CTNNBIP1: variants seen among roughly 807,000 people sequenced by gnomAD.
CTNNBIP1 encodes beta-catenin-interacting protein 1.
Under a neutral mutation model 11.8 loss-of-function variants are expected in CTNNBIP1, and 7 were observed. The observed-to-expected ratio is 0.60, with a 90% confidence interval of 0.34 to 1.12. The LOEUF (loss-of-function observed/expected upper bound fraction) is 1.12, where lower values mean the gene tolerates loss of function less well. Ranked by LOEUF, CTNNBIP1 falls within the 50% of genes most tolerant of loss-of-function variation. CTNNBIP1 has a pLI of 0.03. For missense variants in CTNNBIP1, 101 were observed against 113.4 expected (o/e 0.89, Z 0.50); for synonymous variants, 58 against 43.9 (o/e 1.32, Z -1.26).
chr1:9,856,599 C>T (rs1638507737), intron 5 of CTNNBIP1, among the ~76,000 whole-genome samples: 1 of 151,142 alleles, frequency 6.6e-6, no homozygotes, highest in African/African-American at 2.4e-5. Flanking sequence ...CCACAATCTC[C>T]GCCTCCCGCA....
chr1:9,884,715 C>T (rs544951165), intron 1 of CTNNBIP1, among the ~76,000 whole-genome samples: 5 of 152,298 alleles, frequency 3.3e-5, no homozygotes, highest in South Asian at 2.1e-4. Context: ...CAATAAAACA[C>T]GAGTGATGGG....
chr1:9,854,077 TA>T (rs1442790625), intron 5 of CTNNBIP1, among the ~76,000 whole-genome samples: 1 of 152,074 alleles, frequency 6.6e-6, no homozygotes, highest in Non-Finnish European at 1.5e-5. Context: ...TCCAACATAA[TA>T]AAACCACTCA....
intron 5 of CTNNBIP1, among the ~76,000 whole-genome samples, chr1:9,864,553 C>T (rs1490920656): frequency 1.3e-5 from 2 of 152,162 alleles, no homozygotes; most frequent in Non-Finnish European, 2.9e-5. Context: ...TGGTCTCAAT[C>T]TCCTGACCTC....
At chr1:9,868,201 C>G (rs1638787631) in intron 5 of CTNNBIP1, among the ~76,000 whole-genome samples, 1 of 152,212 alleles carries the variant, frequency 6.6e-6, no homozygotes, top group African/African-American at 2.4e-5. Context: ...GGCGCCCCAG[C>G]AGCAGGGAGT....
chr1:9,894,522 CT>C (rs913507081), intron 1 of CTNNBIP1, among the ~76,000 whole-genome samples: 104 of 145,564 alleles, frequency 7.1e-4, no homozygotes, highest in Non-Finnish European at 1.0e-3. Flanking sequence ...CACTCGACTG[CT>C]TTTTTTTTTT....
chr1:9,866,556 T>C (rs1463543244), intron 5 of CTNNBIP1, among the ~76,000 whole-genome samples: 1 of 151,858 alleles, frequency 6.6e-6, no homozygotes, highest in Non-Finnish European at 1.5e-5. Flanking sequence ...GGCGGGAGCC[T>C]GTAACCCCAG....
chr1:9,895,064 T>G (rs1339079240), intron 1 of CTNNBIP1, among the ~76,000 whole-genome samples: 1 of 152,004 alleles, frequency 6.6e-6, no homozygotes, highest in Non-Finnish European at 1.5e-5. Flanking sequence ...CCCACCACCA[T>G]GCCCTGCTAA....
At chr1:9,881,387 T>C (rs1351136654) in intron 2 of CTNNBIP1, among the ~76,000 whole-genome samples, 2 of 136,248 alleles carry the variant, frequency 1.5e-5, no homozygotes, top group South Asian at 4.8e-4. Context: ...TTGCCCAGGC[T>C]GGAGTGTAAT....
At chr1:9,906,309 A>G (rs56315207) in intron 1 of CTNNBIP1, among the ~76,000 whole-genome samples, 24,463 of 152,046 alleles carry the variant, frequency 0.16, 5,531 homozygotes, top group African/African-American at 0.5. Context: ...TGTAATCCCA[A>G]CACTTTAGGA....
At chr1:9,855,238 G>C (rs1447973012) in intron 5 of CTNNBIP1, among the ~76,000 whole-genome samples, 2 of 149,404 alleles carry the variant, frequency 1.3e-5, no homozygotes, top group African/African-American at 5.0e-5. Context: ...CTTTCTTGGG[G>C]AGTTTGTAAA....
rs186368567 is a variant in CTNNBIP1, at chr1:9,883,392, T to C, written c.-110+313A>G. Among the ~76,000 whole-genome samples, 199 of 151,736 alleles carry C rather than the reference T, an allele frequency of 1.3e-3. 1 individual carries two copies. The highest frequency in any genetic ancestry group is 4.5e-3 in the African/African-American group (188 of 41,334). ...TCCCGAGAGGCAGGAACCAGTGGGT[T>C]TTCTATGAAGGAGGCAGAGCAGGGC... On this transcript the variant is annotated intron_variant, in intron 2 of 5. Coordinates refer to ENST00000377263, the MANE Select transcript of CTNNBIP1 (RefSeq NM_020248.3). The surrounding 1 kb of genome is among the most constrained non-coding windows in gnomAD (Gnocchi z 5.6).
chr1:9,876,845 T>TACATACACACACACAC (rs1363392881), intron 3 of CTNNBIP1, among the ~76,000 whole-genome samples: 1 of 138,102 alleles, frequency 7.2e-6, no homozygotes, highest in Non-Finnish European at 1.6e-5. Flanking sequence ...CTGCTATACA[T>TACATACACACACACAC]ACACACACAC....
chr1:9,881,892 G>C (rs1362634575), intron 2 of CTNNBIP1, among the ~76,000 whole-genome samples: 1 of 152,216 alleles, frequency 6.6e-6, no homozygotes, highest in South Asian at 2.1e-4. Flanking sequence ...CTGCATTCCA[G>C]TTGACTGAGT....
intron 1 of CTNNBIP1, among the ~76,000 whole-genome samples, chr1:9,885,414 G>A (rs921573422): frequency 3.9e-5 from 6 of 152,168 alleles, no homozygotes; most frequent in Non-Finnish European, 7.3e-5. Flanking sequence ...AGGGCAGGTT[G>A]TGAAAATGAG....
intron 1 of CTNNBIP1, among the ~76,000 whole-genome samples, chr1:9,892,746 A>T (rs1398058415): frequency 6.6e-6 from 1 of 152,186 alleles, no homozygotes; most frequent in Non-Finnish European, 1.5e-5. Flanking sequence ...TCCTGGCTCC[A>T]CGCATCACGT....
At chr1:9,897,483 C>T (rs1468420768) in intron 1 of CTNNBIP1, among the ~76,000 whole-genome samples, 1 of 149,006 alleles carries the variant, frequency 6.7e-6, no homozygotes, top group Non-Finnish European at 1.5e-5. Flanking sequence ...AAAAACAAAA[C>T]AAAACAAAAA....
chr1:9,854,385 A>AC (rs1312591486), intron 5 of CTNNBIP1, among the ~76,000 whole-genome samples: 1 of 148,872 alleles, frequency 6.7e-6, no homozygotes, highest in African/African-American at 2.6e-5. Flanking sequence ...AAAAAAAAAA[A>AC]ACCCACTCAA....
chr1:9,886,687 T>C lies in CTNNBIP1; in HGVS notation c.-143-2949A>G, dbSNP rs188436751. ...GTTCAAGGTCTCAACCGCTCTGCCC[T>C]GTTGCTCTCCAGTATACAAGTACCT... is the stretch of plus-strand genomic sequence containing the variant. On this transcript the variant is annotated intron_variant, in intron 1 of 5. Transcript: ENST00000377263. Among the ~76,000 whole-genome samples the C allele has an allele frequency of 1.3e-3, 199 of 152,314 alleles. 1 individual carries two copies. The highest frequency in any genetic ancestry group is 4.5e-3 in the African/African-American group (188 of 41,574).
At chr1:9,900,350 G>C (rs577046808) in intron 1 of CTNNBIP1, among the ~76,000 whole-genome samples, 3 of 152,024 alleles carry the variant, frequency 2.0e-5, no homozygotes, top group African/African-American at 7.2e-5. Context: ...ACGGTGAGCT[G>C]TGATCGTGTC....
Sources: gnomAD v4.1 joint callset for allele counts (sites outside exome capture counted in the v4.1 genomes callset) on GRCh38, gnomAD v4.1.1 for gene constraint, Gnocchi (gnomAD v3.1) non-coding constraint, MANE v1.5 for transcripts, NCBI Gene and HGNC (gene_info 2026-07-23, HGNC 2026-07-21) for gene names.